The following LDLRAD4 variants were observed in gnomAD, a reference collection of about 807,000 sequenced individuals.
LDLRAD4 encodes the protein low density lipoprotein receptor class A domain containing 4.
Under a neutral mutation model 17.0 loss-of-function variants are expected in LDLRAD4, and 5 were observed. The observed-to-expected ratio is 0.29, with a 90% confidence interval of 0.15 to 0.62. The LOEUF is 0.62. LDLRAD4 is among the 20% of genes least tolerant of loss of function. LDLRAD4 has a pLI of 0.84. For synonymous variants in LDLRAD4, 168 were observed against 171.8 expected (o/e 0.98, Z 0.17); for missense variants, 340 against 424.7 (o/e 0.80, Z 1.75).
intron 1 of LDLRAD4, among the ~76,000 whole-genome samples, chr18:13,368,178 C>T (rs1045933449): frequency 2.6e-5 from 4 of 152,028 alleles, no homozygotes; most frequent in African/African-American, 9.7e-5. Context: ...CTGCACCAGG[C>T]GACAGGTTTG....
intron 3 of LDLRAD4, among the ~76,000 whole-genome samples, chr18:13,468,327 G>C (rs1223299905): frequency 1.3e-5 from 2 of 152,132 alleles, no homozygotes; most frequent in Non-Finnish European, 1.5e-5. Flanking sequence ...TCAGAATGGC[G>C]ATCATTAAAA....
At chr18:13,240,574 A>ATGTGCGTGTG (rs2042583062) in intron 1 of LDLRAD4, 1 of 152,482 alleles carries the variant, frequency 6.6e-6, no homozygotes, top group Non-Finnish European at 1.5e-5. Flanking sequence ...GTGTGCATGC[A>ATGTGCGTGTG]TGTGCGTGTG....
chr18:13,251,695 A>G (rs1348976826), intron 1 of LDLRAD4, among the ~76,000 whole-genome samples: 2 of 152,220 alleles, frequency 1.3e-5, no homozygotes, highest in Non-Finnish European at 2.9e-5. Flanking sequence ...GAAAACTACA[A>G]AGCATCGATG....
chr18:13,445,013 CA>C (rs2091291742), intron 3 of LDLRAD4, among the ~76,000 whole-genome samples: 1 of 152,302 alleles, frequency 6.6e-6, no homozygotes, highest in Admixed American at 6.5e-5. Flanking sequence ...CCAAACCAAC[CA>C]AAGTAGAAGC....
intron 1 of LDLRAD4, among the ~76,000 whole-genome samples, chr18:13,341,072 A>G (rs1392824095): frequency 1.3e-5 from 2 of 151,980 alleles, no homozygotes; most frequent in Non-Finnish European, 2.9e-5. Context: ...TATTCTATTC[A>G]GTTGGTGTAT....
At chr18:13,307,426 A>T (rs1479952427) in intron 1 of LDLRAD4, among the ~76,000 whole-genome samples, 2 of 152,056 alleles carry the variant, frequency 1.3e-5, no homozygotes, top group African/African-American at 4.8e-5. Context: ...ATTAAAAAAA[A>T]ATTTTTTAAG....
chr18:13,378,254 T>C (rs755072003), intron 1 of LDLRAD4, among the ~76,000 whole-genome samples: 24 of 152,298 alleles, frequency 1.6e-4, no homozygotes, highest in Non-Finnish European at 3.1e-4. Context: ...CAGGCAGCCT[T>C]CCCCTGAGTT....
upstream of LDLRAD4, among the ~76,000 whole-genome samples, chr18:13,276,395 T>C (rs1347980487): frequency 1.3e-5 from 2 of 152,232 alleles, no homozygotes; most frequent in Non-Finnish European, 2.9e-5. Context: ...TCATTTGTTA[T>C]CTCACAGTTT....
rs186178168 is a variant in LDLRAD4, at chr18:13,560,786, T to C, written c.182-60331T>C. ...CTCCAATCTCAATTCCAACATCAAG[T>C]GTCCATGAAGCTGTAGTTGTTGCTG... is the stretch of plus-strand genomic sequence containing the variant. On this transcript the variant is annotated intron_variant, in intron 3 of 5. Transcript: ENST00000359446. 1.9e-3 allele frequency among the ~76,000 whole-genome samples: 294 copies of C among 152,300 alleles called. 2 individuals are homozygous for C. The highest frequency in any genetic ancestry group is 2.7e-3 in the Non-Finnish European group (184 of 68,010).
At chr18:13,633,843 C>T (rs1438476296) in intron 4 of LDLRAD4, among the ~76,000 whole-genome samples, 1 of 152,166 alleles carries the variant, frequency 6.6e-6, no homozygotes, top group Non-Finnish European at 1.5e-5. Context: ...GGGCAGGGCT[C>T]CTGCCCTACC....
chr18:13,259,249 G>C (rs2043672888), intron 1 of LDLRAD4, among the ~76,000 whole-genome samples: 1 of 151,994 alleles, frequency 6.6e-6, no homozygotes, highest in Admixed American at 6.6e-5. Context: ...CGTGATCATA[G>C]CTCACTGCAG....
At chr18:13,504,163 C>A (rs916934278) in intron 3 of LDLRAD4, among the ~76,000 whole-genome samples, 1 of 152,150 alleles carries the variant, frequency 6.6e-6, no homozygotes, top group East Asian at 1.9e-4. Context: ...AGAGTCCGTT[C>A]GCTGACCCCC....
chr18:13,581,166 G>A (rs1268952346), intron 3 of LDLRAD4, among the ~76,000 whole-genome samples: 1 of 152,206 alleles, frequency 6.6e-6, no homozygotes, highest in African/African-American at 2.4e-5. Flanking sequence ...TAATAATTTT[G>A]TGCATGAAAC....
chr18:13,253,367 C>T (rs2145850009), intron 1 of LDLRAD4, among the ~76,000 whole-genome samples: 1 of 152,320 alleles, frequency 6.6e-6, no homozygotes, highest in South Asian at 2.1e-4. Context: ...GGGTGTTGCT[C>T]ACTCTTTTTT....
intron 1 of LDLRAD4, among the ~76,000 whole-genome samples, chr18:13,245,598 C>T (rs1272998473): frequency 2.0e-5 from 3 of 152,216 alleles, no homozygotes; most frequent in Non-Finnish European, 1.5e-5. Flanking sequence ...GGCTCTCTGT[C>T]CGTCTCACTA....
At chr18:13,245,818 C>T (rs753019876) in intron 1 of LDLRAD4, among the ~76,000 whole-genome samples, 3 of 152,212 alleles carry the variant, frequency 2.0e-5, no homozygotes, top group Admixed American at 6.5e-5. Context: ...TGTTCTCCAG[C>T]CTCTCTTCCT....
chr18:13,399,453 C>G (rs2145478449), intron 2 of LDLRAD4, among the ~76,000 whole-genome samples: 1 of 152,290 alleles, frequency 6.6e-6, no homozygotes, highest in Non-Finnish European at 1.5e-5. Flanking sequence ...GCAGATAAAG[C>G]ACTTGCAACG....
At chr18:13,232,668 C>A (rs760275674) in intron 1 of LDLRAD4, among the ~76,000 whole-genome samples, 1 of 152,186 alleles carries the variant, frequency 6.6e-6, no homozygotes, top group East Asian at 1.9e-4. Context: ...CTGACTCTTC[C>A]GCTGTGGCTG....
chr18:13,262,812 G>C (rs1281633102), intron 1 of LDLRAD4, among the ~76,000 whole-genome samples: 1 of 84,508 alleles, frequency 1.2e-5, no homozygotes, highest in Non-Finnish European at 2.1e-5. Flanking sequence ...ACTGAGTCCC[G>C]TGCGGCTCCG....
Sources: gnomAD v4.1 joint callset for allele counts (sites outside exome capture counted in the v4.1 genomes callset) on GRCh38, gnomAD v4.1.1 for gene constraint, MANE v1.5 for transcripts, NCBI Gene and HGNC (gene_info 2026-07-23, HGNC 2026-07-21) for gene names.